Variants in DSTYK observed in about 807,000 individuals in gnomAD.
DSTYK encodes dual serine/threonine and tyrosine protein kinase.
A neutral mutation model predicts 98.7 loss-of-function variants in DSTYK; 34 were observed. That is an observed-to-expected ratio of 0.34 (90% CI 0.26 to 0.46). The LOEUF (loss-of-function observed/expected upper bound fraction) is 0.46, where lower values mean the gene tolerates loss of function less well. DSTYK is among the 20% of genes least tolerant of loss of function. DSTYK has a pLI of 1.00. For synonymous variants in DSTYK, 462 were observed against 457.3 expected (o/e 1.01, Z -0.13); for missense variants, 962 against 1,181.7 (o/e 0.81, Z 2.73).
Position 205,211,262 on chromosome 1 carries a change from C to T in DSTYK, c.265+9G>A, listed in dbSNP as rs1207555127. ...CCTGCCCTCTCTCCCTCCGGGCTGC[C>T]CTCCTTACCCGCCTGCAGCCCGGTT... On this transcript the variant is annotated intron_variant, in intron 1 of 12. Transcript: ENST00000367162. 1 of 1,598,272 alleles carries T rather than the reference C, an allele frequency of 6.3e-7. No homozygotes were observed. Among genetic ancestry groups the T allele is most frequent in the Non-Finnish European group, 8.5e-7 (1 of 1,173,688 alleles).
In DSTYK at chr1:205,163,648, T is replaced by C. The variant is rs1657801315; in HGVS notation, c.1557+75A>G. On this transcript the variant is annotated intron_variant, in intron 4 of 12. Coordinates refer to ENST00000367162, the MANE Select transcript of DSTYK (RefSeq NM_015375.3). ...AGCTGAAAGGGAAATTCTTGCCTAATTTGAAGTGTGGACTTGTGCAGATTT... is the reference window on the plus strand; with the variant it reads ...AGCTGAAAGGGAAATTCTTGCCTAACTTGAAGTGTGGACTTGTGCAGATTT... 3 of 1,231,638 alleles carry C rather than the reference T, an allele frequency of 2.4e-6. No homozygotes were observed. In the African/African-American group the frequency reaches 4.5e-5, roughly 18 times the overall value. The allele number at this position is 1,231,638 out of a possible 1,614,324, so 76.3% of individuals were successfully genotyped here.
chr1:205,155,604 G>A (rs533645200), intron 10 of DSTYK, among the ~76,000 whole-genome samples: 3 of 151,664 alleles, frequency 2.0e-5, no homozygotes, highest in South Asian at 4.2e-4. Context: ...GTTACAGTGA[G>A]TTGAGATTGC....
chr1:205,196,157 T>C (rs773224116), intron 1 of DSTYK, among the ~76,000 whole-genome samples: 33 of 152,284 alleles, frequency 2.2e-4, no homozygotes, highest in Admixed American at 3.9e-4. Context: ...TTACAATCCA[T>C]TGAAAAAATT....
chr1:205,202,733 C>T (rs1013491900), intron 1 of DSTYK: 8 of 758,216 alleles, frequency 1.1e-5, no homozygotes, highest in African/African-American at 1.0e-4. Context: ...AAACTTATGA[C>T]ACAGGAGTAA....
chr1:205,174,381 C>G (rs1353660329), intron 2 of DSTYK, among the ~76,000 whole-genome samples: 1 of 151,930 alleles, frequency 6.6e-6, no homozygotes, highest in East Asian at 2.0e-4. Flanking sequence ...AGTGTGGTGG[C>G]ACAAGCCTGT....
chr1:205,181,027 C>T (rs1357246686), intron 2 of DSTYK, among the ~76,000 whole-genome samples: 5 of 152,208 alleles, frequency 3.3e-5, no homozygotes, highest in African/African-American at 1.2e-4. Flanking sequence ...TTTACCTGAA[C>T]TTTCCACATC....
chr1:205,165,346 C>T (rs1034822233), intron 3 of DSTYK, among the ~76,000 whole-genome samples: 10 of 152,094 alleles, frequency 6.6e-5, no homozygotes, highest in African/African-American at 2.4e-4. Context: ...TCACCTTGGC[C>T]TCCCAAAGTG....
rs61220458 is a variant in DSTYK at position 205,145,525 on chromosome 1, G to GTTTTTTTTTTTTTTTTTTTTTTTT, written c.*2032_*2033insAAAAAAAAAAAAAAAAAAAAAAAA. Reference sequence around the variant, plus strand: ...GATGTGCGACTCATCTTTGTTTTTTGTTTTTTTTTTTGTTTTTTTTTGAGA... The same window carrying GTTTTTTTTTTTTTTTTTTTTTTTT: ...GATGTGCGACTCATCTTTGTTTTTTGTTTTTTTTTTTTTTTTTTTTTTTTTTTTTTTTTTTGTTTTTTTTTGAGA... On this transcript the variant is annotated 3_prime_UTR_variant, in exon 13 of 13. Coordinates refer to ENST00000367162, the MANE Select transcript of DSTYK (RefSeq NM_015375.3). The GTTTTTTTTTTTTTTTTTTTTTTTT allele has an allele frequency of 5.6e-5, 7 of 125,544 alleles. 2 individuals are homozygous for GTTTTTTTTTTTTTTTTTTTTTTTT. The highest frequency in any genetic ancestry group is 5.1e-5 in the Non-Finnish European group (3 of 59,288). 7.8% of individuals were successfully genotyped at this position (125,544 alleles called of 1,614,324 possible).
intron 1 of DSTYK, among the ~76,000 whole-genome samples, chr1:205,200,605 G>A (rs1459534390): frequency 6.6e-6 from 1 of 152,212 alleles, no homozygotes; most frequent in Non-Finnish European, 1.5e-5. Flanking sequence ...GAGACATGAT[G>A]AAACACTAAT....
intron 5 of DSTYK, 126 bp from the exon 6 acceptor site, chr1:205,162,338 G>A (rs933590583): frequency 3.2e-5 from 36 of 1,131,966 alleles, no homozygotes; most frequent in Non-Finnish European, 4.3e-5. Context: ...GGAGCCATAC[G>A]AAGTCCAAAG....
intron 10 of DSTYK, 134 bp downstream of exon 10, chr1:205,157,139 T>C: frequency 1.5e-6 from 1 of 673,872 alleles, no homozygotes; most frequent in Admixed American, 2.6e-5. Flanking sequence ...ATGTCTTTAC[T>C]AGCAGCGTGA....
Position 205,169,292 on chromosome 1 carries a change from T to C in DSTYK, c.1195A>G (p.Asn399Asp). ...KRLEYTRKKE[N>D]ELYESLMNIA... ...TTCATCAATGATTCATACAACTCATTCTCCTTTTTTCGAGTATATTCCAGA... is the reference window on the plus strand; with the variant it reads ...TTCATCAATGATTCATACAACTCATCCTCCTTTTTTCGAGTATATTCCAGA... Residue 399 changes from asparagine to aspartate, a missense_variant, in exon 3 of 13, where the codon AAT becomes GAT. By Grantham distance (23) the Asn-to-Asp change is conservative (BLOSUM62 1). Around this residue, in one of 4 missense-constraint regions of DSTYK, gnomAD observed 660 missense variants for 855.0 expected, o/e 0.77. Coordinates refer to ENST00000367162, the MANE Select transcript of DSTYK (RefSeq NM_015375.3). This position sits in a 1 kb window ranked among gnomAD's most constrained non-coding sequence, Gnocchi z 4.0. 6.2e-7 allele frequency: 1 copy of C among 1,614,066 alleles called. No individual in the cohort carries two copies. Among genetic ancestry groups the C allele is most frequent in the Non-Finnish European group, 8.5e-7 (1 of 1,180,022 alleles).
At chr1:205,189,131 AT>A (rs1453562433) in intron 1 of DSTYK, among the ~76,000 whole-genome samples, 8 of 143,932 alleles carry the variant, frequency 5.6e-5, no homozygotes, top group African/African-American at 1.5e-4. Context: ...TACAAAAAAA[AT>A]AAAAAATAAA....
intron 2 of DSTYK, among the ~76,000 whole-genome samples, chr1:205,178,456 C>G (rs10900458): frequency 0.92 from 139,258 of 152,160 alleles, 63,834 homozygotes; most frequent in East Asian, 1. Flanking sequence ...AAAATATTTT[C>G]TCTAGAATGG....
In DSTYK at chr1:205,164,041, T is replaced by C. The variant is rs61822658; in HGVS notation, c.1325-86A>G. 114,738 of 1,114,578 alleles carry C rather than the reference T, an allele frequency of 0.1. 6,932 individuals are homozygous for C. Among genetic ancestry groups the C allele is most frequent in the Non-Finnish European group, 0.12 (92,796 of 745,938 alleles). 69.0% of individuals were successfully genotyped at this position (1,114,578 alleles called of 1,614,324 possible). On this transcript the variant is annotated intron_variant, in intron 3 of 12. Transcript: ENST00000367162. ...AAAGTCATCTCCCAAATCAGAACCA[T>C]GGAACTACCGTGATGATGATGGCTG... is the stretch of plus-strand genomic sequence containing the variant.
Position 205,146,937 on chromosome 1 carries a change from A to C in DSTYK, c.*621T>G, listed in dbSNP as rs1440930544. 6.6e-6 allele frequency: 1 copy of C among 152,156 alleles called. No homozygotes were observed. Among genetic ancestry groups the C allele is most frequent in the East Asian group, 1.9e-4 (1 of 5,164 alleles). The allele number at this position is 152,156 out of a possible 1,614,324, so 9.4% of individuals were successfully genotyped here. A position where few individuals can be genotyped will look rare whatever the true frequency, so the allele number is the denominator to read the frequency against. ...TGTAACAGTGAAACCCTCCCCCAGAAACCAGGGATATGTGGTCCTATAAAT... is the reference window on the plus strand; with the variant it reads ...TGTAACAGTGAAACCCTCCCCCAGACACCAGGGATATGTGGTCCTATAAAT... On this transcript the variant is annotated 3_prime_UTR_variant, in exon 13 of 13. Coordinates refer to ENST00000367162, the MANE Select transcript of DSTYK (RefSeq NM_015375.3).
chr1:205,159,878 T>C, intron 8 of DSTYK, 199 bp from the exon 9 acceptor site: 1 of 792,644 alleles, frequency 1.3e-6, no homozygotes, highest in Non-Finnish European at 2.0e-6. Flanking sequence ...TTCTAAAAAC[T>C]GATAAGGCTT....
intron 1 of DSTYK, among the ~76,000 whole-genome samples, chr1:205,193,666 T>C (rs989799927): frequency 6.6e-6 from 1 of 151,962 alleles, no homozygotes; most frequent in East Asian, 1.9e-4. Context: ...AGGTCAGGAG[T>C]TCGAGACCAG....
rs1351645233 is a variant in DSTYK, at chr1:205,163,709, C to A, written c.1557+14G>T. ...ATCTATGACACGATGTCTTAAAAATCATTCTTTGTCTACCTGTTTGAGATA... is the reference window on the plus strand; with the variant it reads ...ATCTATGACACGATGTCTTAAAAATAATTCTTTGTCTACCTGTTTGAGATA... On this transcript the variant is annotated intron_variant, in intron 4 of 12. Transcript: ENST00000367162. 4.4e-6 allele frequency: 7 copies of A among 1,604,184 alleles called. 1 individual carries two copies. In the African/African-American group the frequency reaches 6.7e-5, roughly 15 times the overall value.
Sources: allele counts gnomAD v4.1 joint callset (sites outside exome capture counted in the v4.1 genomes callset), GRCh38; gene constraint gnomAD v4.1.1; regional missense constraint gnomAD v4.1.1; non-coding constraint Gnocchi (gnomAD v3.1); transcripts MANE v1.5; gene names NCBI Gene and HGNC (gene_info 2026-07-23, HGNC 2026-07-21).